The following CLVS1 variants were observed in gnomAD, a reference collection of about 807,000 sequenced individuals.
The protein encoded by CLVS1 is clavesin-1.
CLVS1 carries 10 observed loss-of-function variants against 33.1 expected under a neutral mutation model. The ratio of observed to expected loss-of-function variants is 0.30; its 90% CI spans 0.19 to 0.51. CLVS1 has a LOEUF of 0.51. Ranked by LOEUF, CLVS1 falls within the 20% of genes least tolerant of loss-of-function variation. The pLI, the probability that CLVS1 is intolerant of heterozygous loss-of-function variation, is 0.97. For synonymous variants in CLVS1, 163 were observed against 166.1 expected (o/e 0.98, Z 0.14); for missense variants, 343 against 433.4 (o/e 0.79, Z 1.85).
intron 2 of CLVS1, among the ~76,000 whole-genome samples, chr8:61,184,054 G>C (rs1408396698): frequency 6.6e-6 from 1 of 152,112 alleles, no homozygotes; most frequent in African/African-American, 2.4e-5. Context: ...CTGGAATAAG[G>C]AGCACTGACA....
At chr8:61,235,000 A>G (rs2129312959) in intron 2 of CLVS1, among the ~76,000 whole-genome samples, 1 of 152,306 alleles carries the variant, frequency 6.6e-6, no homozygotes, top group Admixed American at 6.5e-5. Flanking sequence ...TCCCAAACAA[A>G]GTGAGATGAG....
intron 2 of CLVS1, among the ~76,000 whole-genome samples, chr8:61,357,874 A>G (rs994303619): frequency 6.6e-6 from 1 of 152,022 alleles, no homozygotes; most frequent in Non-Finnish European, 1.5e-5. Flanking sequence ...CATTTTCTTA[A>G]TAAAAAGTTG....
At chr8:61,276,679 C>A (rs1809566994) in intron 2 of CLVS1, among the ~76,000 whole-genome samples, 1 of 152,154 alleles carries the variant, frequency 6.6e-6, no homozygotes, top group African/African-American at 2.4e-5. Flanking sequence ...TAGCACTTAA[C>A]ACAGTAAGTA....
At chr8:61,363,093 C>A (rs1219694472) in intron 2 of CLVS1, among the ~76,000 whole-genome samples, 1 of 152,176 alleles carries the variant, frequency 6.6e-6, no homozygotes, top group Admixed American at 6.5e-5. Context: ...AGGGGCTGAG[C>A]ATTCACATTT....
rs535202238 is a variant in CLVS1 at position 61,253,712 on chromosome 8, T to A, written c.-151-45965T>A. Reference sequence around the variant, plus strand: ...ATACCCTTTCTTCCAGTTGATCAAATCAGCTACTGAGGCTTATGCATTCGT... The same window carrying A: ...ATACCCTTTCTTCCAGTTGATCAAAACAGCTACTGAGGCTTATGCATTCGT... On this transcript the variant is annotated intron_variant, in intron 2 of 2. Coordinates refer to the CLVS1 transcript ENST00000522621. 2.6e-4 allele frequency among the ~76,000 whole-genome samples: 39 copies of A among 152,380 alleles called. No individual in the cohort carries two copies. In the South Asian group the frequency reaches 7.7e-3, roughly 30 times the overall value.
At chr8:61,019,276 C>A in the CLVS1 span, among the ~76,000 whole-genome samples, 1 of 152,174 alleles carries the variant, frequency 6.6e-6, no homozygotes, top group Non-Finnish European at 1.5e-5. Flanking sequence ...GTGTTCCTGG[C>A]TGAACGAACT....
At chr8:61,200,525 T>G (rs955441314) in intron 2 of CLVS1, among the ~76,000 whole-genome samples, 1 of 152,276 alleles carries the variant, frequency 6.6e-6, no homozygotes, top group Non-Finnish European at 1.5e-5. Flanking sequence ...TTGTTAAAAA[T>G]GTTTTATTAA....
intron 2 of CLVS1, among the ~76,000 whole-genome samples, chr8:61,231,286 G>GCACACGCACACACA (rs1808427431): frequency 6.7e-6 from 1 of 149,976 alleles, no homozygotes; most frequent in African/African-American, 2.5e-5. Flanking sequence ...ACCTGTGCTT[G>GCACACGCACACACA]CACACACACA....
At chr8:61,455,049 G>T (rs1014066518) in intron 4 of CLVS1, among the ~76,000 whole-genome samples, 1 of 151,824 alleles carries the variant, frequency 6.6e-6, no homozygotes, top group South Asian at 2.1e-4. Flanking sequence ...GTGTTATTAA[G>T]GTATAATTGA....
chr8:60,979,820 G>A, the CLVS1 span, among the ~76,000 whole-genome samples: 1 of 152,184 alleles, frequency 6.6e-6, no homozygotes, highest in African/African-American at 2.4e-5. Flanking sequence ...TTCAACCCAT[G>A]CACCCTTTTC....
At chr8:61,323,156 G>C (rs1811260609) in intron 2 of CLVS1, among the ~76,000 whole-genome samples, 1 of 152,110 alleles carries the variant, frequency 6.6e-6, no homozygotes, top group Non-Finnish European at 1.5e-5. Flanking sequence ...CATTAATTTG[G>C]GAGCAGGGAG....
intron 2 of CLVS1, among the ~76,000 whole-genome samples, chr8:61,340,547 T>C (rs1419202155): frequency 7.3e-6 from 1 of 136,260 alleles, no homozygotes; most frequent in Non-Finnish European, 1.5e-5. Flanking sequence ...ATAGTATTCA[T>C]ATATATATAT....
chr8:61,056,925 C>T (rs943424069), upstream of CLVS1, among the ~76,000 whole-genome samples: 8 of 152,154 alleles, frequency 5.3e-5, no homozygotes, highest in South Asian at 2.1e-4. Context: ...AAAGGTAAAG[C>T]GCCAGGGCCT....
chr8:60,972,185 T>C, the CLVS1 span, among the ~76,000 whole-genome samples: 1 of 152,158 alleles, frequency 6.6e-6, no homozygotes, highest in African/African-American at 2.4e-5. Context: ...CTGTGTGACT[T>C]GGGCTTCTCA....
chr8:61,331,408 G>T (rs529168578), intron 2 of CLVS1, among the ~76,000 whole-genome samples: 4 of 151,500 alleles, frequency 2.6e-5, no homozygotes, highest in African/African-American at 7.3e-5. Flanking sequence ...TCATCCAAAG[G>T]ACTTTCTTAC....
intron 1 of CLVS1, among the ~76,000 whole-genome samples, chr8:61,126,068 C>T (rs1805962939): frequency 6.6e-6 from 1 of 152,048 alleles, no homozygotes; most frequent in African/African-American, 2.4e-5. Context: ...ACTCTAGGCT[C>T]TCTAAGCTCT....
intron 2 of CLVS1, among the ~76,000 whole-genome samples, chr8:61,247,132 AT>A (rs970067925): frequency 2.0e-5 from 3 of 152,130 alleles, no homozygotes; most frequent in African/African-American, 7.2e-5. Flanking sequence ...TGATCTAATT[AT>A]TTTTTATGGA....
chr8:61,242,323 CTG>C (rs1393354089), intron 2 of CLVS1, among the ~76,000 whole-genome samples: 1 of 152,100 alleles, frequency 6.6e-6, no homozygotes, highest in African/African-American at 2.4e-5. Flanking sequence ...TTCTGAGTCT[CTG>C]TGTATTTTTC....
At chr8:61,495,275 A>G (rs1022276743) in intron 5 of CLVS1, among the ~76,000 whole-genome samples, 3 of 152,140 alleles carry the variant, frequency 2.0e-5, no homozygotes, top group Admixed American at 1.3e-4. Context: ...GCCTGTCACA[A>G]TGATTTTAAG....
Sources: allele counts gnomAD v4.1 joint callset (sites outside exome capture counted in the v4.1 genomes callset), GRCh38; gene constraint gnomAD v4.1.1; transcripts MANE v1.5; gene names NCBI Gene and HGNC (gene_info 2026-07-23, HGNC 2026-07-21).